TAF4: variants seen among roughly 807,000 people sequenced by gnomAD.
TAF4 encodes TATA-box binding protein associated factor 4.
TAF4 carries 9 observed loss-of-function variants against 90.3 expected under a neutral mutation model. That is an observed-to-expected ratio of 0.10 (90% CI 0.06 to 0.17). The LOEUF (loss-of-function observed/expected upper bound fraction) is 0.17. Ranked by LOEUF, TAF4 falls within the 10% of genes least tolerant of loss-of-function variation. The pLI is 1.00. For missense variants in TAF4, 1,351 were observed against 1,370.7 expected (o/e 0.99, Z 0.23); for synonymous variants, 818 against 638.9 (o/e 1.28, Z -4.23).
At position 62,006,470 on chromosome 20, in the gene TAF4, A is replaced by T. The variant is rs1406585227; in HGVS notation, c.2223+40T>A. The T allele has an allele frequency of 7.2e-7, 1 of 1,392,536 alleles. No homozygotes were observed. The highest frequency in any genetic ancestry group is 2.7e-5 in the East Asian group (1 of 36,994). The allele number at this position is 1,392,536 out of a possible 1,614,324, so 86.3% of individuals were successfully genotyped here. A position where few individuals can be genotyped will look rare whatever the true frequency, so the allele number is the denominator to read the frequency against. ...CTAAGAAGCGGGCGGGAGCAGAGGC[A>T]CGGTGGGCTGTGCAGACCAGTCAGG... On this transcript the variant is annotated intron_variant, in intron 7 of 14. Coordinates refer to ENST00000252996, the MANE Select transcript of TAF4 (RefSeq NM_003185.4). The surrounding 1 kb of genome is among the most constrained non-coding windows in gnomAD (Gnocchi z 7.0).
At position 62,007,532 on chromosome 20, in the gene TAF4, G is replaced by A. The variant is rs201844677; in HGVS notation, c.1974+15C>T. 4.3e-6 allele frequency: 7 copies of A among 1,613,254 alleles called. No homozygotes were observed. The highest frequency in any genetic ancestry group is 3.3e-5 in the South Asian group (3 of 91,050). On this transcript the variant is annotated intron_variant, in intron 6 of 14. Transcript: ENST00000252996. Reference sequence around the variant, plus strand: ...TGGCCCTACTGCTCGCAGGCACCGGGGCCTTTGAAATTACCTTCAGGAAAG... The same window carrying A: ...TGGCCCTACTGCTCGCAGGCACCGGAGCCTTTGAAATTACCTTCAGGAAAG...
At chr20:62,063,943 G>T (rs1011098837) in intron 1 of TAF4, among the ~76,000 whole-genome samples, 6 of 152,244 alleles carry the variant, frequency 3.9e-5, no homozygotes, top group Non-Finnish European at 8.8e-5. Context: ...GACTGAAGAG[G>T]CTCGAGCCCA....
rs992640441 is a variant in TAF4 at position 62,017,172 on chromosome 20, A to C, written c.1361-2465T>G. The stretch of plus-strand genomic sequence containing the variant: ...ACAAAAAAAAAAAATGTTTTTAAGG[A>C]ATTCTGAGAAGCCAATAATGGACGC... On this transcript the variant is annotated intron_variant, in intron 1 of 14. Transcript: ENST00000252996. 2.6e-5 allele frequency among the ~76,000 whole-genome samples: 4 copies of C among 152,040 alleles called. No homozygotes were observed. The East Asian group carries it at 5.8e-4, about 22-fold the overall frequency.
chr20:62,005,226 T>C (rs1284009399), intron 7 of TAF4: 1 of 152,152 alleles, frequency 6.6e-6, no homozygotes, highest in Non-Finnish European at 1.5e-5. Flanking sequence ...AGGGAGCCTG[T>C]CATCGAATCA....
At position 62,064,827 on chromosome 20, in the gene TAF4, T is replaced by C. The variant is rs1886009; in HGVS notation, c.984A>G (p.Gln328=). The change falls in exon 1 of 15, where the codon CAA becomes CAG. Residue 328 remains glutamine, a synonymous_variant. Transcript: ENST00000252996. ...AAGGPAGVSG[Q]PGPGAAAAAP... ...CCGCAGCCGCCGCGCCGGGCCCGGG[T>C]TGGCCGCTGACCCCCGCGGGGCCCC... is the stretch of plus-strand genomic sequence containing the variant. 948,166 of 976,774 alleles carry C rather than the reference T, an allele frequency of 0.97. 460,720 individuals are homozygous for C. Among genetic ancestry groups the C allele is most frequent in the East Asian group, 1 (8,343 of 8,346 alleles). The allele number at this position is 976,774 out of a possible 1,614,324, so 60.5% of individuals were successfully genotyped here.
chr20:62,014,855 C>T, intron 1 of TAF4, 148 bp from the exon 2 acceptor site: 1 of 1,097,068 alleles, frequency 9.1e-7, no homozygotes, highest in Non-Finnish European at 1.3e-6. Flanking sequence ...ACTCAAAACA[C>T]ACTTGTGAGT....
At chr20:62,031,846 G>T (rs76715809) in intron 1 of TAF4, among the ~76,000 whole-genome samples, 1 of 152,026 alleles carries the variant, frequency 6.6e-6, no homozygotes, top group African/African-American at 2.4e-5. Context: ...ACCCGGAGAC[G>T]GGGCTCGCAG....
chr20:62,015,640 A>C (rs2055808136), intron 1 of TAF4, among the ~76,000 whole-genome samples: 1 of 152,192 alleles, frequency 6.6e-6, no homozygotes, highest in Admixed American at 6.5e-5. Context: ...GCCACGGGGC[A>C]CAGGGGGCGG....
chr20:61,989,848 C>T (rs1383875393), intron 14 of TAF4, among the ~76,000 whole-genome samples: 1 of 152,226 alleles, frequency 6.6e-6, no homozygotes, highest in African/African-American at 2.4e-5. Flanking sequence ...TGCTTCCCAG[C>T]AGAGGGCAAC....
In TAF4 at chr20:62,003,813, T is replaced by C; in HGVS notation, c.2289A>G (p.Thr763=). Residue 763 remains threonine (T), a synonymous_variant, in exon 8 of 15, where the codon ACA becomes ACG. Transcript: ENST00000252996. ...GAGGCTGCCGCAGGGCGACCATGGG[T>C]GTCTGCGTCAACGTCACCTGCGGGG... is the stretch of plus-strand genomic sequence containing the variant. ...IRPPQVTLTQ[T]PMVALRQPHN... The C allele has an allele frequency of 1.9e-6, 3 of 1,607,330 alleles. No individual in the cohort carries two copies. The highest frequency in any genetic ancestry group is 2.0e-4 in the Middle Eastern group (1 of 5,110).
intron 1 of TAF4, among the ~76,000 whole-genome samples, chr20:62,062,270 T>C (rs914608684): frequency 7.2e-5 from 11 of 152,256 alleles, no homozygotes; most frequent in African/African-American, 2.7e-4. Flanking sequence ...TAGAACAATT[T>C]AATATTCTCT....
At chr20:62,009,879 G>A (rs1352473268) in intron 4 of TAF4, among the ~76,000 whole-genome samples, 167 bp downstream of exon 4, 2 of 152,190 alleles carry the variant, frequency 1.3e-5, no homozygotes. Context: ...ACACAGCACA[G>A]CAGCAGAGCC....
intron 10 of TAF4, 102 bp from the exon 11 acceptor site, chr20:62,000,356 AG>A (rs1342994826): frequency 6.7e-7 from 1 of 1,500,626 alleles, no homozygotes; most frequent in South Asian, 1.3e-5. Flanking sequence ...ATACAACCCA[AG>A]GGGAGCCCAG....
chr20:61,983,914 T>C (rs2055565961), intron 14 of TAF4, among the ~76,000 whole-genome samples: 1 of 152,044 alleles, frequency 6.6e-6, no homozygotes, highest in Non-Finnish European at 1.5e-5. Context: ...AGGGTGACGG[T>C]CTGACGTGTG....
Position 62,036,813 on chromosome 20 carries a change from A to G in TAF4, c.1361-22106T>C, listed in dbSNP as rs1026736564. Reference sequence around the variant, plus strand: ...CATAGACTGAATGCCATCACAATTCATATGCTGAAACCCAATCCCCAAGGT... The same window carrying G: ...CATAGACTGAATGCCATCACAATTCGTATGCTGAAACCCAATCCCCAAGGT... On this transcript the variant is annotated intron_variant, in intron 1 of 14. Transcript: ENST00000252996. 5.3e-5 allele frequency among the ~76,000 whole-genome samples: 8 copies of G among 152,244 alleles called. 1 individual carries two copies. Among genetic ancestry groups the G allele is most frequent in the Admixed American group, 5.2e-4 (8 of 15,292 alleles).
intron 1 of TAF4, among the ~76,000 whole-genome samples, chr20:62,034,484 T>C (rs1423894307): frequency 6.6e-6 from 1 of 151,522 alleles, no homozygotes; most frequent in Non-Finnish European, 1.5e-5. Context: ...CCACCACACC[T>C]GGCTAAATTT....
chr20:62,040,403 A>G (rs115726036), intron 1 of TAF4, among the ~76,000 whole-genome samples: 2,237 of 152,344 alleles, frequency 0.015, 58 homozygotes, highest in African/African-American at 0.051. Context: ...CATTTATACA[A>G]AATTCTAGAA....
chr20:62,026,675 C>T (rs1265940950), intron 1 of TAF4, among the ~76,000 whole-genome samples: 1 of 152,218 alleles, frequency 6.6e-6, no homozygotes, highest in Non-Finnish European at 1.5e-5. Context: ...GCAGGCCACA[C>T]TCGGCACAGG....
intron 14 of TAF4, among the ~76,000 whole-genome samples, chr20:61,986,834 C>G (rs2055595550): frequency 6.6e-6 from 1 of 152,240 alleles, no homozygotes; most frequent in Admixed American, 6.5e-5. Flanking sequence ...GGGCAGCTCT[C>G]TTTACAGAAT....
Sources: gnomAD v4.1 joint callset for allele counts (sites outside exome capture counted in the v4.1 genomes callset) on GRCh38, gnomAD v4.1.1 for gene constraint, Gnocchi (gnomAD v3.1) non-coding constraint, MANE v1.5 for transcripts, NCBI Gene and HGNC (gene_info 2026-07-23, HGNC 2026-07-21) for gene names.